Variants in NEO1 observed in about 807,000 individuals in gnomAD.
NEO1 encodes the protein neogenin.
In NEO1, 63 loss-of-function variants were observed where a neutral mutation model predicts 159.7. That is an observed-to-expected ratio of 0.39 (90% CI 0.32 to 0.49). NEO1 has a LOEUF of 0.49. Ranked by LOEUF, NEO1 falls within the 20% of genes least tolerant of loss-of-function variation. The probability of loss-of-function intolerance (pLI) is 0.85; values close to 1 mark genes in which losing one functional copy is unlikely to be tolerated. For missense variants in NEO1, 1,615 were observed against 1,831.0 expected (o/e 0.88, Z 2.15); for synonymous variants, 633 against 662.0 (o/e 0.96, Z 0.67).
intron 5 of NEO1, among the ~76,000 whole-genome samples, chr15:73,145,437 G>A (rs1002837800): frequency 6.6e-6 from 1 of 152,132 alleles, no homozygotes; most frequent in Admixed American, 6.5e-5. Flanking sequence ...CTGATAATTT[G>A]TTTTGATGAA....
intron 15 of NEO1, among the ~76,000 whole-genome samples, chr15:73,261,084 T>C (rs1236375330): frequency 6.6e-6 from 1 of 152,166 alleles, no homozygotes; most frequent in Non-Finnish European, 1.5e-5. Context: ...TGGGAATCTC[T>C]TTATAACTGG....
intron 18 of NEO1, 44 bp from the exon 19 acceptor site, chr15:73,272,411 A>G: frequency 6.8e-7 from 1 of 1,471,792 alleles, no homozygotes; most frequent in East Asian, 2.3e-5. Flanking sequence ...TAGTGAACTA[A>G]TTTGAAATGG....
intron 8 of NEO1, among the ~76,000 whole-genome samples, chr15:73,239,732 G>A (rs2039395333): frequency 6.6e-6 from 1 of 152,168 alleles, no homozygotes; most frequent in Non-Finnish European, 1.5e-5. Context: ...GTTTGCATAA[G>A]TGCATTCTGT....
At chr15:73,283,654 A>G (rs1398334079) in intron 23 of NEO1, among the ~76,000 whole-genome samples, 2 of 152,260 alleles carry the variant, frequency 1.3e-5, no homozygotes, top group Admixed American at 6.5e-5. Flanking sequence ...ATTTAGCTCA[A>G]CCTCTGGGGT....
chr15:73,136,690 G>C (rs1291224870), intron 5 of NEO1, among the ~76,000 whole-genome samples: 1 of 152,056 alleles, frequency 6.6e-6, no homozygotes, highest in African/African-American at 2.4e-5. Flanking sequence ...TCCCCTTATA[G>C]GTTCTTTGAT....
At chr15:73,058,359 C>G (rs937386372) in intron 1 of NEO1, among the ~76,000 whole-genome samples, 17 of 152,182 alleles carry the variant, frequency 1.1e-4, no homozygotes, top group African/African-American at 3.9e-4. Flanking sequence ...TGCCGAAGGT[C>G]TCACAACCTT....
chr15:73,291,841 T>C (rs2042176708), intron 25 of NEO1, among the ~76,000 whole-genome samples: 1 of 152,224 alleles, frequency 6.6e-6, no homozygotes, highest in African/African-American at 2.4e-5. Flanking sequence ...GTTTTTCCCT[T>C]GTGAGAGTCC....
chr15:73,156,714 T>C (rs1361576630), intron 5 of NEO1, among the ~76,000 whole-genome samples: 3 of 152,214 alleles, frequency 2.0e-5, no homozygotes, highest in African/African-American at 7.2e-5. Context: ...GGACAAGTGC[T>C]TGCACAGGTG....
At chr15:73,055,335 G>A (rs1194129001) in intron 1 of NEO1, among the ~76,000 whole-genome samples, 1 of 152,016 alleles carries the variant, frequency 6.6e-6, no homozygotes, top group Non-Finnish European at 1.5e-5. Flanking sequence ...GTCCATTTCT[G>A]TGTTGAATAA....
intron 18 of NEO1, 92 bp from the exon 19 acceptor site, chr15:73,272,360 TGCC>T (rs2041211975): frequency 7.5e-6 from 6 of 796,818 alleles, no homozygotes; most frequent in Admixed American, 2.6e-5. Flanking sequence ...TTTTGCCTTG[TGCC>T]CTTTATTTTG....
At chr15:73,213,921 GACA>G (rs2150708514) in intron 7 of NEO1, among the ~76,000 whole-genome samples, 1 of 152,202 alleles carries the variant, frequency 6.6e-6, no homozygotes, top group African/African-American at 2.4e-5. Flanking sequence ...CCGCATCCAT[GACA>G]ACATCTACTG....
rs904325038 is a variant in NEO1 at position 73,077,988 on chromosome 15, G to A, written c.130+25183G>A. 3.3e-5 allele frequency among the ~76,000 whole-genome samples: 5 copies of A among 152,168 alleles called. No individual in the cohort carries two copies. In the South Asian group the frequency reaches 1.0e-3, roughly 31 times the overall value. On this transcript the variant is annotated intron_variant, in intron 1 of 28. Coordinates refer to ENST00000261908, the MANE Select transcript of NEO1 (RefSeq NM_002499.4). ...CCTATGGCGATGGGAAGCGGGAGAG[G>A]AAGTATAATGAGCAAACATCCAGAA...
intron 7 of NEO1, among the ~76,000 whole-genome samples, chr15:73,219,220 T>C (rs1385969151): frequency 6.6e-6 from 1 of 152,122 alleles, no homozygotes. Flanking sequence ...AGTTTCCATG[T>C]AGTTGAGCGG....
chr15:73,204,194 T>C (rs918619861), intron 7 of NEO1, among the ~76,000 whole-genome samples: 2 of 152,040 alleles, frequency 1.3e-5, no homozygotes, highest in African/African-American at 2.4e-5. Flanking sequence ...GTAATTCTTA[T>C]CATTATTCCT....
At position 73,258,563 on chromosome 15, in the gene NEO1, G is replaced by A. The variant is rs540766196; in HGVS notation, c.2093-203G>A. On this transcript the variant is annotated intron_variant, in intron 13 of 28. Transcript: ENST00000261908. ...TTCTGTTTTCCTCTTAGATTGTGTG[G>A]GCTTCAGTCTTTGCTTTATTTGGAG... Among the ~76,000 whole-genome samples, 12 of 152,134 alleles carry A rather than the reference G, an allele frequency of 7.9e-5. No homozygotes were observed. In the South Asian group the frequency reaches 2.1e-3, roughly 26 times the overall value.
intron 9 of NEO1, among the ~76,000 whole-genome samples, chr15:73,248,324 C>T (rs1329347412): frequency 6.6e-6 from 1 of 152,192 alleles, no homozygotes; most frequent in Admixed American, 6.5e-5. Flanking sequence ...AGTCACCTAA[C>T]ACCTACTAGA....
chr15:73,139,752 T>G (rs547839740), intron 5 of NEO1, among the ~76,000 whole-genome samples: 23 of 152,384 alleles, frequency 1.5e-4, no homozygotes, highest in African/African-American at 5.3e-4. Context: ...ATTTCAAAAT[T>G]TATTGTTCAT....
chr15:73,201,592 G>C (rs2036891816), intron 7 of NEO1, among the ~76,000 whole-genome samples: 1 of 152,046 alleles, frequency 6.6e-6, no homozygotes, highest in Admixed American at 6.5e-5. Flanking sequence ...ATAGATGACT[G>C]TTCAGATCAT....
At chr15:73,167,666 A>G (rs1287166874) in intron 5 of NEO1, among the ~76,000 whole-genome samples, 1 of 152,236 alleles carries the variant, frequency 6.6e-6, no homozygotes, top group Admixed American at 6.5e-5. Flanking sequence ...GTATACATAC[A>G]ATATTGAGAC....
Sources: gnomAD v4.1 joint callset for allele counts (sites outside exome capture counted in the v4.1 genomes callset) on GRCh38, gnomAD v4.1.1 for gene constraint, MANE v1.5 for transcripts, NCBI Gene and HGNC (gene_info 2026-07-23, HGNC 2026-07-21) for gene names.